PTBP3: variants seen among roughly 807,000 people sequenced by gnomAD.
PTBP3 encodes the protein polypyrimidine tract binding protein 3.
In PTBP3, 20 loss-of-function variants were observed where a neutral mutation model predicts 58.7. That is an observed-to-expected ratio of 0.34 (90% CI 0.24 to 0.50). The LOEUF (loss-of-function observed/expected upper bound fraction) is 0.50. Among genes scored for constraint, PTBP3 ranks in the 20% least tolerant of loss-of-function variants. The pLI is 0.98. For missense variants in PTBP3, 509 were observed against 637.2 expected, an observed-to-expected ratio of 0.80 and a Z score of 2.17; for synonymous variants, 185 against 219.8, an observed-to-expected ratio of 0.84 and a Z score of 1.40.
At chr9:112,343,212 A>AT in the PTBP3 span, among the ~76,000 whole-genome samples, 72,793 of 147,816 alleles carry the variant, frequency 0.49, 18,237 homozygotes, top group African/African-American at 0.6. Flanking sequence ...ACTCTGAACA[A>AT]TTTTTTTTTT....
chr9:112,306,580 A>C (rs1400992597), intron 1 of PTBP3, among the ~76,000 whole-genome samples: 2 of 127,550 alleles, frequency 1.6e-5, no homozygotes, highest in Non-Finnish European at 3.3e-5. Flanking sequence ...AAATTAATTT[A>C]AATTTGTATA....
chr9:112,289,272 C>G (rs999747993), intron 2 of PTBP3, among the ~76,000 whole-genome samples: 1 of 152,144 alleles, frequency 6.6e-6, no homozygotes, highest in South Asian at 2.1e-4. Flanking sequence ...CCTTAGAGCA[C>G]TGACTACTTC....
intron 2 of PTBP3, chr9:112,280,868 A>G (rs1281682026): frequency 6.6e-6 from 1 of 151,800 alleles, no homozygotes; most frequent in South Asian, 2.1e-4. Context: ...ACATAATGAA[A>G]TATTTCAGAA....
intron 2 of PTBP3, among the ~76,000 whole-genome samples, chr9:112,284,794 C>T (rs1330557221): frequency 1.3e-5 from 2 of 152,108 alleles, no homozygotes; most frequent in Non-Finnish European, 2.9e-5. Context: ...AGCCTATGGC[C>T]CTTGCGTTTT....
At chr9:112,359,985 G>A in the PTBP3 span, among the ~76,000 whole-genome samples, 48 of 152,130 alleles carry the variant, frequency 3.2e-4, no homozygotes, top group African/African-American at 1.2e-3. Flanking sequence ...TATTAAAGAG[G>A]AACTTTCAGT....
the PTBP3 span, among the ~76,000 whole-genome samples, chr9:112,351,950 C>T: frequency 7.0e-6 from 1 of 143,612 alleles, no homozygotes; most frequent in African/African-American, 2.5e-5. Context: ...AACTCTAGTT[C>T]CTTTTTTTTT....
At chr9:112,303,403 C>T (rs1184447482) in intron 1 of PTBP3, among the ~76,000 whole-genome samples, 1 of 152,162 alleles carries the variant, frequency 6.6e-6, no homozygotes, top group Admixed American at 6.5e-5. Flanking sequence ...TTATCAATAA[C>T]ATAATTTTGT....
In PTBP3 at chr9:112,228,977, T is replaced by G. The variant is rs552460383; in HGVS notation, c.1055-505A>C. The stretch of plus-strand genomic sequence containing the variant: ...ACAACCTAATTGATCCTAACTCATC[T>G]TATTACCCTCGATTTTTCTACCCTA... On this transcript the variant is annotated intron_variant, in intron 10 of 13. Coordinates refer to ENST00000374257, the MANE Select transcript of PTBP3 (RefSeq NM_001163788.4). 2.0e-5 allele frequency among the ~76,000 whole-genome samples: 3 copies of G among 152,316 alleles called. No homozygotes were observed. In the South Asian group the frequency reaches 6.2e-4, roughly 32 times the overall value.
chr9:112,233,272 G>GGTGTGTGTGT (rs72086685), intron 8 of PTBP3, among the ~76,000 whole-genome samples: 3 of 144,302 alleles, frequency 2.1e-5, no homozygotes, highest in Non-Finnish European at 4.5e-5. Flanking sequence ...TACACTGTAG[G>GGTGTGTGTGT]GTGTGTGTGT....
In PTBP3 at chr9:112,230,410, C is replaced by T. The variant is rs140633644; in HGVS notation, c.1054+970G>A. On this transcript the variant is annotated intron_variant, in intron 10 of 13. Coordinates refer to ENST00000374257, the MANE Select transcript of PTBP3 (RefSeq NM_001163788.4). ...AATGAAGCATATCAGTGAGTTTTAA[C>T]TCTATTTGTCAGACATATTCAAACA... 7.2e-5 allele frequency among the ~76,000 whole-genome samples: 11 copies of T among 152,244 alleles called. No homozygotes were observed. The East Asian group carries it at 1.9e-3, about 27-fold the overall frequency.
the PTBP3 span, among the ~76,000 whole-genome samples, chr9:112,348,289 G>A: frequency 1.3e-5 from 2 of 152,210 alleles, no homozygotes; most frequent in Non-Finnish European, 2.9e-5. Flanking sequence ...CGCAGCCAGC[G>A]CCAGGAAAAG....
chr9:112,327,503 TGA>T (rs1462081421), intron 1 of PTBP3, among the ~76,000 whole-genome samples: 4 of 152,086 alleles, frequency 2.6e-5, no homozygotes, highest in Non-Finnish European at 5.9e-5. Flanking sequence ...GAGATTGCAG[TGA>T]GCCGAGATTG....
the PTBP3 span, among the ~76,000 whole-genome samples, chr9:112,340,877 A>C: frequency 7.5e-4 from 25 of 33,238 alleles, no homozygotes; most frequent in South Asian, 1.7e-3. Flanking sequence ...ACTCTGTCTC[A>C]AAAAAAAAAA....
intron 1 of PTBP3, among the ~76,000 whole-genome samples, chr9:112,313,553 G>C (rs1306876274): frequency 6.6e-6 from 1 of 152,198 alleles, no homozygotes; most frequent in East Asian, 1.9e-4. Flanking sequence ...GTCCTCTGGA[G>C]AGTCTATCAC....
chr9:112,305,541 T>A (rs914432821), intron 1 of PTBP3, among the ~76,000 whole-genome samples: 1 of 152,182 alleles, frequency 6.6e-6, no homozygotes, highest in East Asian at 1.9e-4. Flanking sequence ...GGGGAAGTAA[T>A]GTGTCCACTC....
chr9:112,332,695 A>T (rs1435842179), intron 1 of PTBP3: 2 of 1,505,340 alleles, frequency 1.3e-6, no homozygotes, highest in Non-Finnish European at 9.0e-7. Context: ...ATAGACTCTA[A>T]ATCTTTTTAT....
chr9:112,289,867 A>C (rs1226258037), intron 2 of PTBP3, among the ~76,000 whole-genome samples: 1 of 152,234 alleles, frequency 6.6e-6, no homozygotes. Flanking sequence ...TTATTAACCC[A>C]TATCATTTTT....
rs1829805019 is a variant in PTBP3 at position 112,318,766 on chromosome 9, A to G, written c.-52+14704T>C. Among the ~76,000 whole-genome samples the G allele has an allele frequency of 2.0e-5, 3 of 152,108 alleles. No individual in the cohort carries two copies. In the South Asian group the frequency reaches 6.2e-4, roughly 32 times the overall value. On this transcript the variant is annotated intron_variant, in intron 1 of 13. Coordinates refer to ENST00000374257, the MANE Select transcript of PTBP3 (RefSeq NM_001163788.4). Reference sequence around the variant, plus strand: ...CAGAGTGAGACTGTCTCCAAAAAAAAAAAAAAATTGAGATATTGTTTCATA... The same window carrying G: ...CAGAGTGAGACTGTCTCCAAAAAAAGAAAAAAATTGAGATATTGTTTCATA...
At chr9:112,300,068 GTAAAAT>G (rs1453344944) in intron 1 of PTBP3, among the ~76,000 whole-genome samples, 3 of 152,160 alleles carry the variant, frequency 2.0e-5, no homozygotes, top group Non-Finnish European at 4.4e-5. Flanking sequence ...ATGAAATACT[GTAAAAT>G]TAAAAAGATG....
Sources: allele counts gnomAD v4.1 joint callset (sites outside exome capture counted in the v4.1 genomes callset), GRCh38; gene constraint gnomAD v4.1.1; transcripts MANE v1.5; gene names NCBI Gene and HGNC (gene_info 2026-07-23, HGNC 2026-07-21).